Variants in RNF125 observed in about 807,000 individuals in gnomAD.
RNF125 encodes the protein E3 ubiquitin-protein ligase RNF125.
In RNF125, 21 loss-of-function variants were observed where a neutral mutation model predicts 26.0. That is an observed-to-expected ratio of 0.81 (90% CI 0.57 to 1.16). RNF125 has a LOEUF of 1.16. Ranked by LOEUF, RNF125 falls within the 50% of genes most tolerant of loss-of-function variation. The pLI is 0.00. For synonymous variants in RNF125, 95 were observed against 109.2 expected, an observed-to-expected ratio of 0.87 and a Z score of 0.81; for missense variants, 270 against 299.4, an observed-to-expected ratio of 0.90 and a Z score of 0.72.
At chr18:32,056,149 C>T (rs1315057695) in intron 4 of RNF125, among the ~76,000 whole-genome samples, 1 of 151,804 alleles carries the variant, frequency 6.6e-6, no homozygotes, top group East Asian at 1.9e-4. Context: ...AGGATTCTTA[C>T]TCTCTTCAGT....
chr18:32,068,105 A>G (rs1321693556), intron 5 of RNF125, among the ~76,000 whole-genome samples, 193 bp from the exon 6 acceptor site: 1 of 152,216 alleles, frequency 6.6e-6, no homozygotes, highest in East Asian at 1.9e-4. Context: ...TAATCGATAG[A>G]CAACAAAGTG....
chr18:32,078,767 G>C, the RNF125 span, among the ~76,000 whole-genome samples: 1 of 152,038 alleles, frequency 6.6e-6, no homozygotes, highest in Non-Finnish European at 1.5e-5. Context: ...AATTCTCATA[G>C]AGCAATCCTT....
At chr18:32,062,876 A>G (rs1005475548) in intron 4 of RNF125, among the ~76,000 whole-genome samples, 3 of 152,300 alleles carry the variant, frequency 2.0e-5, no homozygotes, top group African/African-American at 7.2e-5. Context: ...TTACTACCTA[A>G]CAACACATAC....
intron 2 of RNF125, 139 bp downstream of exon 2, chr18:32,037,408 T>TG: frequency 1.9e-6 from 1 of 522,892 alleles, no homozygotes; most frequent in Non-Finnish European, 3.1e-6. Flanking sequence ...TTCTCGCTCT[T>TG]TCACCCAGGT....
At chr18:32,034,885 A>G (rs1296038338) in intron 1 of RNF125, among the ~76,000 whole-genome samples, 1 of 140,158 alleles carries the variant, frequency 7.1e-6, no homozygotes, top group East Asian at 2.1e-4. Context: ...TGGGCAACAG[A>G]GCGAAACTCC....
intron 1 of RNF125, among the ~76,000 whole-genome samples, chr18:32,019,585 C>T (rs2144420402): frequency 6.6e-6 from 1 of 152,238 alleles, no homozygotes; most frequent in South Asian, 2.1e-4. Flanking sequence ...AAGTGTCTTT[C>T]CACCCCCACC....
chr18:32,089,055 G>A, the RNF125 span, among the ~76,000 whole-genome samples: 2 of 152,180 alleles, frequency 1.3e-5, no homozygotes, highest in Admixed American at 1.3e-4. Flanking sequence ...TAAGGAGCCT[G>A]CCATGTTGAG....
chr18:32,068,594 T>A lies in RNF125; in HGVS notation c.*210T>A. The A allele has an allele frequency of 2.3e-6, 1 of 442,942 alleles. No homozygotes were observed. Among genetic ancestry groups the A allele is most frequent in the Non-Finnish European group, 4.1e-6 (1 of 245,958 alleles). The allele number at this position is 442,942 out of a possible 1,614,324, so 27.4% of individuals were successfully genotyped here. ...TACATCCTTGAGATTCTTACACATCTAACAACAAAAAAAATTATCTACATC... is the reference window on the plus strand; with the variant it reads ...TACATCCTTGAGATTCTTACACATCAAACAACAAAAAAAATTATCTACATC... On this transcript the variant is annotated 3_prime_UTR_variant, in exon 6 of 6. Coordinates refer to ENST00000217740, the MANE Select transcript of RNF125 (RefSeq NM_017831.4).
chr18:32,058,785 T>C (rs1598824549), intron 4 of RNF125, among the ~76,000 whole-genome samples: 1 of 152,172 alleles, frequency 6.6e-6, no homozygotes, highest in African/African-American at 2.4e-5. Context: ...CCACTACCCT[T>C]CCCAGCCTCT....
chr18:32,065,854 T>G (rs1192786384), intron 4 of RNF125, 48 bp from the exon 5 acceptor site: 2 of 1,324,844 alleles, frequency 1.5e-6, no homozygotes, highest in East Asian at 2.3e-5. Flanking sequence ...CTAACACTAA[T>G]AACGATTTTA....
the RNF125 span, among the ~76,000 whole-genome samples, chr18:32,087,160 C>T: frequency 6.6e-6 from 1 of 152,064 alleles, no homozygotes; most frequent in Non-Finnish European, 1.5e-5. Flanking sequence ...TTTGCAATAT[C>T]CTTTATAATA....
chr18:32,066,351 C>T (rs545287424), intron 5 of RNF125, among the ~76,000 whole-genome samples: 1 of 151,634 alleles, frequency 6.6e-6, no homozygotes, highest in South Asian at 2.1e-4. Context: ...CCCAGCTACT[C>T]GGTAGGCTGA....
intron 3 of RNF125, among the ~76,000 whole-genome samples, chr18:32,043,249 C>A (rs1015548710): frequency 6.6e-6 from 1 of 152,144 alleles, no homozygotes; most frequent in Non-Finnish European, 1.5e-5. Flanking sequence ...CCCTACTAAC[C>A]AAATAAAGTG....
chr18:32,063,475 A>T (rs2039454052), intron 4 of RNF125, among the ~76,000 whole-genome samples: 1 of 152,214 alleles, frequency 6.6e-6, no homozygotes, highest in Non-Finnish European at 1.5e-5. Flanking sequence ...TGCTGGTGGG[A>T]ATGTAAAATA....
chr18:32,082,893 C>A, the RNF125 span, among the ~76,000 whole-genome samples: 2 of 152,108 alleles, frequency 1.3e-5, no homozygotes, highest in East Asian at 3.9e-4. Context: ...GTGAGATATA[C>A]CCATCCTCTC....
chr18:32,071,680 A>G lies in RNF125; in HGVS notation c.*3296A>G, dbSNP rs942936447. The G allele has an allele frequency of 6.6e-6, 1 of 152,224 alleles. No homozygotes were observed. Among genetic ancestry groups the G allele is most frequent in the African/African-American group, 2.4e-5 (1 of 41,460 alleles). 9.4% of individuals were successfully genotyped at this position (152,224 alleles called of 1,614,324 possible). ...ATAACCATGGTACCCAAAATTTTCT[A>G]TAAGTTATTGTAACTCCTTAAAGGT... On this transcript the variant is annotated 3_prime_UTR_variant, in exon 6 of 6. Coordinates refer to ENST00000217740, the MANE Select transcript of RNF125 (RefSeq NM_017831.4).
chr18:32,041,339 G>T (rs1315417724), intron 2 of RNF125, among the ~76,000 whole-genome samples: 1 of 152,114 alleles, frequency 6.6e-6, no homozygotes, highest in African/African-American at 2.4e-5. Flanking sequence ...ATACTGTTGG[G>T]TGTGTTATAA....
downstream of RNF125, among the ~76,000 whole-genome samples, chr18:32,074,817 A>G (rs375475945): frequency 2.7e-4 from 41 of 152,360 alleles, no homozygotes; most frequent in East Asian, 7.7e-3. Flanking sequence ...TGCTGGGATT[A>G]CAGGCGTGAG....
chr18:32,031,685 T>C (rs1040921709), intron 1 of RNF125, among the ~76,000 whole-genome samples: 6 of 152,028 alleles, frequency 3.9e-5, no homozygotes, highest in African/African-American at 1.5e-4. Context: ...GAGAACCCAT[T>C]CTTAGAGACT....
Sources: gnomAD v4.1 joint callset for allele counts (sites outside exome capture counted in the v4.1 genomes callset) on GRCh38, gnomAD v4.1.1 for gene constraint, MANE v1.5 for transcripts, NCBI Gene and HGNC (gene_info 2026-07-23, HGNC 2026-07-21) for gene names.